SMAD4: variants seen among roughly 807,000 people sequenced by gnomAD.
SMAD4 encodes MAD homolog 4.
A neutral mutation model predicts 63.2 loss-of-function variants in SMAD4; 7 were observed. The ratio of observed to expected loss-of-function variants is 0.11; its 90% CI spans 0.06 to 0.21. SMAD4 has a LOEUF of 0.21. Ranked by LOEUF, SMAD4 falls within the 10% of genes least tolerant of loss-of-function variation. The probability of loss-of-function intolerance (pLI) is 1.00; values close to 1 mark genes in which losing one functional copy is unlikely to be tolerated. For missense variants in SMAD4, 312 were observed against 693.8 expected (o/e 0.45, Z 6.18); for synonymous variants, 215 against 235.4 (o/e 0.91, Z 0.79).
rs1289675682 is a variant in SMAD4, at chr18:51,080,415, TCTC to T, written c.*1949_*1951del. On this transcript the variant is annotated 3_prime_UTR_variant, in exon 12 of 12. Transcript: ENST00000342988. ...TTGGCAGTTTTATAAAAAGACATCT[TCTC>T]TAGAAATTGCTAACTTTAGGTCCAT... The T allele has an allele frequency of 8.7e-6, 2 of 231,080 alleles. No individual in the cohort carries two copies. The highest frequency in any genetic ancestry group is 1.7e-5 in the Non-Finnish European group (2 of 116,870). The allele number at this position is 231,080 out of a possible 1,614,324, so 14.3% of individuals were successfully genotyped here.
intron 10 of SMAD4, among the ~76,000 whole-genome samples, chr18:51,067,393 T>C (rs1412647416): frequency 6.6e-6 from 1 of 151,904 alleles, no homozygotes; most frequent in Non-Finnish European, 1.5e-5. Flanking sequence ...TTACATTTTG[T>C]TTTTTATTTT....
rs374126030 is a variant in SMAD4, at chr18:51,050,264, C to G, written c.454+940C>G. On this transcript the variant is annotated intron_variant, in intron 4 of 11. Coordinates refer to ENST00000342988, the MANE Select transcript of SMAD4 (RefSeq NM_005359.6). ...ATCCCAGCTACTCAGGAGGCTGAGG[C>G]AGGAGAATCGCTTGAACCCGGGAGG... 2.8e-4 allele frequency among the ~76,000 whole-genome samples: 42 copies of G among 151,746 alleles called. No homozygotes were observed. In the East Asian group the frequency reaches 3.7e-3, roughly 13 times the overall value.
At chr18:51,047,718 C>T (rs773669907) in intron 2 of SMAD4, among the ~76,000 whole-genome samples, 1 of 152,016 alleles carries the variant, frequency 6.6e-6, no homozygotes, top group Non-Finnish European at 1.5e-5. Flanking sequence ...AAGCAATCCT[C>T]CTGCCTCAGC....
At chr18:51,073,731 A>G (rs945734980) in intron 10 of SMAD4, among the ~76,000 whole-genome samples, 3 of 151,916 alleles carry the variant, frequency 2.0e-5, no homozygotes, top group Admixed American at 2.0e-4. Flanking sequence ...GGGTCTCACC[A>G]TGTTGGCCAG....
At chr18:51,065,715 A>AT (rs1910131491) in intron 9 of SMAD4, 109 bp downstream of exon 9, 1 of 790,714 alleles carries the variant, frequency 1.3e-6, no homozygotes. Context: ...TTAAATATAA[A>AT]TAAAGGAATA....
In SMAD4 at chr18:51,084,550, A is replaced by G. The variant is rs1910702347; in HGVS notation, c.*6083A>G. The G allele has an allele frequency of 4.4e-6, 1 of 228,862 alleles. No individual in the cohort carries two copies. Among genetic ancestry groups the G allele is most frequent in the Non-Finnish European group, 8.7e-6 (1 of 115,346 alleles). The allele number at this position is 228,862 out of a possible 1,614,324, so 14.2% of individuals were successfully genotyped here. ...TCCTGGTAGAGGCCAGCTTTGTGGT[A>G]GCTGGAGAGGAAGGGATGAAACCAG... On this transcript the variant is annotated 3_prime_UTR_variant, in exon 12 of 12. Coordinates refer to ENST00000342988, the MANE Select transcript of SMAD4 (RefSeq NM_005359.6).
chr18:51,033,488 C>T lies in SMAD4; in HGVS notation c.-128+2865C>T, dbSNP rs959089843. ...TACAGGCGTGAGCCACTGCGCCTGT[C>T]CTATAACAGCATTTAATACAGTTTT... On this transcript the variant is annotated intron_variant, in intron 1 of 11. Transcript: ENST00000342988. Among the ~76,000 whole-genome samples, 9 of 152,192 alleles carry T rather than the reference C, an allele frequency of 5.9e-5. 1 individual carries two copies. The highest frequency in any genetic ancestry group is 5.2e-4 in the Admixed American group (8 of 15,284).
At chr18:51,072,963 C>G (rs1278783157) in intron 10 of SMAD4, among the ~76,000 whole-genome samples, 1 of 152,082 alleles carries the variant, frequency 6.6e-6, no homozygotes, top group Non-Finnish European at 1.5e-5. Flanking sequence ...GGATTAGTTA[C>G]AGTGTGAAGT....
Position 51,054,777 on chromosome 18 carries a change from A to G in SMAD4, c.455-4A>G, listed in dbSNP as rs1599186761. The G allele has an allele frequency of 1.3e-6, 2 of 1,596,984 alleles. No homozygotes were observed. The highest frequency in any genetic ancestry group is 1.7e-6 in the Non-Finnish European group (2 of 1,164,274). On this transcript the variant is annotated splice_polypyrimidine_tract_variant and splice_region_variant and intron_variant, in intron 4 of 11. Transcript: ENST00000342988. ...ATTTAAAATATGTTTAATTTTCTAT[A>G]TAGCTCCATCAAGTATGATGGTGAA...
At chr18:51,073,388 T>TATATACACACACAC (rs1417299090) in intron 10 of SMAD4, among the ~76,000 whole-genome samples, 7 of 64,160 alleles carry the variant, frequency 1.1e-4, no homozygotes, top group African/African-American at 1.5e-4. Flanking sequence ...TATATATATA[T>TATATACACACACAC]ACACACACAC....
chr18:51,074,546 G>A (rs1343155535), intron 10 of SMAD4, among the ~76,000 whole-genome samples: 1 of 152,200 alleles, frequency 6.6e-6, no homozygotes, highest in Non-Finnish European at 1.5e-5. Flanking sequence ...TTCATTGATT[G>A]TAACAATTGT....
chr18:51,074,410 A>G (rs1009863142), intron 10 of SMAD4, among the ~76,000 whole-genome samples: 14 of 152,286 alleles, frequency 9.2e-5, no homozygotes, highest in African/African-American at 3.1e-4. Context: ...AGATACACAT[A>G]TGGCAAACAA....
chr18:51,070,696 A>G (rs1295983539), intron 10 of SMAD4, among the ~76,000 whole-genome samples: 2 of 152,064 alleles, frequency 1.3e-5, no homozygotes, highest in African/African-American at 4.8e-5. Context: ...AGATGATGAA[A>G]TCTCACTCCA....
intron 1 of SMAD4, among the ~76,000 whole-genome samples, chr18:51,041,377 T>G (rs536529932): frequency 1.3e-5 from 2 of 152,340 alleles, no homozygotes; most frequent in South Asian, 4.1e-4. Flanking sequence ...GTATTGTGCT[T>G]CTTTGTCTCC....
intron 10 of SMAD4, among the ~76,000 whole-genome samples, chr18:51,071,579 G>A (rs1910319723): frequency 6.6e-6 from 1 of 152,144 alleles, no homozygotes; most frequent in Non-Finnish European, 1.5e-5. Context: ...GTGTTATTTA[G>A]CACTGGGCGT....
At chr18:51,067,241 A>G in intron 10 of SMAD4, 54 bp downstream of exon 10, 6 of 994,712 alleles carry the variant, frequency 6.0e-6, no homozygotes, top group African/African-American at 1.6e-5. Context: ...TTTGTTGTCA[A>G]AAGAATTGAA....
chr18:51,071,557 ATGTTT>A (rs1910319393), intron 10 of SMAD4, among the ~76,000 whole-genome samples: 3 of 152,288 alleles, frequency 2.0e-5, no homozygotes, highest in South Asian at 2.1e-4. Flanking sequence ...AAAGTAAAAT[ATGTTT>A]TGTTTTGTGT....
intron 8 of SMAD4, among the ~76,000 whole-genome samples, chr18:51,065,076 T>C (rs1322929309): frequency 2.0e-5 from 3 of 152,250 alleles, no homozygotes; most frequent in Admixed American, 2.0e-4. Context: ...AGATTCTGAT[T>C]ATTTCTGTTC....
chr18:51,065,132 C>T (rs771386872), intron 8 of SMAD4, among the ~76,000 whole-genome samples: 5 of 151,638 alleles, frequency 3.3e-5, no homozygotes, highest in Non-Finnish European at 7.4e-5. Context: ...GAACCAAATT[C>T]CAGATTTTAA....
Sources: allele counts gnomAD v4.1 joint callset (sites outside exome capture counted in the v4.1 genomes callset), GRCh38; gene constraint gnomAD v4.1.1; transcripts MANE v1.5; gene names NCBI Gene and HGNC (gene_info 2026-07-23, HGNC 2026-07-21).